Variants in EVA1C observed in about 807,000 individuals in gnomAD.
EVA1C encodes the protein protein eva-1 homolog C.
EVA1C carries 25 observed loss-of-function variants against 45.4 expected under a neutral mutation model. That is an observed-to-expected ratio of 0.55 (90% confidence interval 0.40 to 0.77). The LOEUF (loss-of-function observed/expected upper bound fraction) is 0.77, where lower values mean the gene tolerates loss of function less well. Among genes scored for constraint, EVA1C ranks in the 30% least tolerant of loss-of-function variants. The probability of loss-of-function intolerance (pLI) is 0.00; values close to 1 mark genes in which losing one functional copy is unlikely to be tolerated. For synonymous variants in EVA1C, 190 were observed against 221.2 expected (o/e 0.86, Z 1.25); for missense variants, 479 against 554.8 (o/e 0.86, Z 1.37).
Position 32,461,251 on chromosome 21 carries a change from G to A in EVA1C, c.481+3531G>A, listed in dbSNP as rs138763469. Among the ~76,000 whole-genome samples, 18 of 152,336 alleles carry A rather than the reference G, an allele frequency of 1.2e-4. No homozygotes were observed. In the East Asian group the frequency reaches 1.5e-3, roughly 13 times the overall value. ...AGGAGAGAGCACCAGCTGGGGAGCC[G>A]GAGTAGGGATCCTGAGTCCTCAGAG... On this transcript the variant is annotated intron_variant, in intron 3 of 7. Coordinates refer to ENST00000300255, the MANE Select transcript of EVA1C (RefSeq NM_058187.5).
chr21:32,467,976 T>C, intron 4 of EVA1C, 128 bp downstream of exon 4: 4 of 549,252 alleles, frequency 7.3e-6, no homozygotes, highest in Non-Finnish European at 1.1e-5. Flanking sequence ...ATCACGATCT[T>C]GTGATCGTGT....
chr21:32,492,365 G>A (rs190009271), intron 4 of EVA1C, among the ~76,000 whole-genome samples: 18 of 152,194 alleles, frequency 1.2e-4, no homozygotes, highest in Middle Eastern at 6.8e-3. Context: ...GAGGAGGGGA[G>A]GATACAGGAT....
chr21:32,425,017 A>G (rs1040020509), intron 1 of EVA1C, among the ~76,000 whole-genome samples: 13 of 151,912 alleles, frequency 8.6e-5, no homozygotes, highest in African/African-American at 2.9e-4. Context: ...TAATTTTTAA[A>G]AGTATTTTGT....
chr21:32,482,874 T>TC (rs1409309309), intron 4 of EVA1C, among the ~76,000 whole-genome samples: 1 of 1,252 alleles, frequency 8.0e-4, no homozygotes, highest in Non-Finnish European at 1.5e-3. Flanking sequence ...TTTTTTTTTT[T>TC]TGGAGACAGA....
intron 7 of EVA1C, among the ~76,000 whole-genome samples, chr21:32,507,419 T>G (rs2037758430): frequency 6.7e-6 from 1 of 149,274 alleles, no homozygotes; most frequent in East Asian, 2.0e-4. Flanking sequence ...TGTGTGTGTA[T>G]GTGTGCACGT....
intron 1 of EVA1C, among the ~76,000 whole-genome samples, chr21:32,438,569 G>T (rs2146196902): frequency 6.6e-6 from 1 of 151,862 alleles, no homozygotes; most frequent in South Asian, 2.1e-4. Flanking sequence ...AAAAGGCAGA[G>T]GTTCCTCGAT....
At chr21:32,467,905 AAT>A (rs34623485) in intron 4 of EVA1C, 57 bp downstream of exon 4, 11,771 of 999,216 alleles carry the variant, frequency 0.012, 4 homozygotes, top group Middle Eastern at 0.013. Context: ...GAATTAATAG[AAT>A]ATATATATAT....
At chr21:32,426,126 C>G (rs1219268605) in intron 1 of EVA1C, among the ~76,000 whole-genome samples, 2 of 152,128 alleles carry the variant, frequency 1.3e-5, no homozygotes, top group African/African-American at 4.8e-5. Flanking sequence ...CCCTCTCTAG[C>G]CCAGTGGGGT....
chr21:32,448,311 G>C (rs1446990943), intron 1 of EVA1C, among the ~76,000 whole-genome samples: 1 of 152,166 alleles, frequency 6.6e-6, no homozygotes, highest in Non-Finnish European at 1.5e-5. Flanking sequence ...GGCTCCATGT[G>C]CCTAGGCTTT....
chr21:32,471,052 C>T (rs1363149405), intron 4 of EVA1C, among the ~76,000 whole-genome samples: 2 of 148,928 alleles, frequency 1.3e-5, no homozygotes, highest in Non-Finnish European at 3.0e-5. Context: ...AGCCACTGCA[C>T]CCGGCCCAGG....
intron 1 of EVA1C, among the ~76,000 whole-genome samples, chr21:32,437,149 G>C (rs367810997): frequency 6.7e-6 from 1 of 150,154 alleles, no homozygotes; most frequent in East Asian, 2.0e-4. Flanking sequence ...GACAGAGCGA[G>C]ACTCTTTCTC....
At chr21:32,440,011 G>A (rs2035113956) in intron 1 of EVA1C, among the ~76,000 whole-genome samples, 1 of 151,606 alleles carries the variant, frequency 6.6e-6, no homozygotes, top group Non-Finnish European at 1.5e-5. Flanking sequence ...CCTCAAAGTG[G>A]GCAGAGTTGA....
rs192458466 is a variant in EVA1C, at chr21:32,463,543, C to T, written c.482-4153C>T. ...GTCACCCCCAGGATGTAATGTGACA[C>T]GCACAGGCCCCTCCGTTCCAGGAGA... On this transcript the variant is annotated intron_variant, in intron 3 of 7. Transcript: ENST00000300255. 1.5e-3 allele frequency among the ~76,000 whole-genome samples: 232 copies of T among 152,314 alleles called. 2 individuals carry two copies. The highest frequency in any genetic ancestry group is 4.8e-3 in the African/African-American group (199 of 41,548).
At chr21:32,451,398 T>A (rs2035574621) in intron 1 of EVA1C, among the ~76,000 whole-genome samples, 1 of 152,144 alleles carries the variant, frequency 6.6e-6, no homozygotes, top group African/African-American at 2.4e-5. Flanking sequence ...ACATTCTGGA[T>A]GAACCTTCCT....
intron 7 of EVA1C, among the ~76,000 whole-genome samples, chr21:32,513,868 C>A (rs2038050762): frequency 6.6e-6 from 1 of 152,066 alleles, no homozygotes; most frequent in Non-Finnish European, 1.5e-5. Context: ...TTACAGTTGG[C>A]CTTCTGTATC....
At chr21:32,498,929 T>C (rs1452834258) in intron 5 of EVA1C, among the ~76,000 whole-genome samples, 1 of 152,206 alleles carries the variant, frequency 6.6e-6, no homozygotes, top group African/African-American at 2.4e-5. Context: ...TGCAAAAATC[T>C]GACAAGTGTG....
At chr21:32,456,857 G>A (rs984203072) in intron 2 of EVA1C, among the ~76,000 whole-genome samples, 6 of 152,178 alleles carry the variant, frequency 3.9e-5, no homozygotes. Context: ...TGTTCTGTGA[G>A]CTTCCACAGA....
intron 4 of EVA1C, among the ~76,000 whole-genome samples, chr21:32,480,308 A>C (rs559776580): frequency 3.4e-4 from 51 of 151,732 alleles, no homozygotes; most frequent in Admixed American, 6.6e-4. Flanking sequence ...CTCTTAAAAA[A>C]AAAAAAAAGG....
chr21:32,413,064 G>A, intron 1 of EVA1C, 51 bp downstream of exon 1: 4 of 1,310,336 alleles, frequency 3.1e-6, no homozygotes, highest in Non-Finnish European at 2.9e-6. Context: ...GAGCGCCCAG[G>A]TGAACCCTCG....
Sources: gnomAD v4.1 joint callset for allele counts (sites outside exome capture counted in the v4.1 genomes callset) on GRCh38, gnomAD v4.1.1 for gene constraint, MANE v1.5 for transcripts, NCBI Gene and HGNC (gene_info 2026-07-23, HGNC 2026-07-21) for gene names.